Variants in NWD2 observed in about 807,000 individuals in gnomAD.
The protein encoded by NWD2 is NACHT and WD repeat domain containing 2.
A neutral mutation model predicts 132.7 loss-of-function variants in NWD2; 37 were observed. That is an observed-to-expected ratio of 0.28 (90% CI 0.21 to 0.37). The LOEUF (loss-of-function observed/expected upper bound fraction) is 0.37. Among genes scored for constraint, NWD2 ranks in the 10% least tolerant of loss-of-function variants. The pLI is 1.00. For missense variants in NWD2, 1,592 were observed against 2,122.4 expected (o/e 0.75, Z 4.91); for synonymous variants, 705 against 803.0 (o/e 0.88, Z 2.06).
intron 2 of NWD2, among the ~76,000 whole-genome samples, chr4:37,338,573 A>C (rs1719458094): frequency 6.6e-6 from 1 of 152,226 alleles, no homozygotes; most frequent in South Asian, 2.1e-4. Flanking sequence ...ACGAATCGCC[A>C]ACTAGTTTTA....
chr4:37,427,826 A>C (rs1193079371), intron 3 of NWD2, among the ~76,000 whole-genome samples: 4 of 149,208 alleles, frequency 2.7e-5, no homozygotes, highest in Non-Finnish European at 6.0e-5. Flanking sequence ...GAGAGAGAGG[A>C]CATGGTCCAA....
intron 2 of NWD2, among the ~76,000 whole-genome samples, chr4:37,336,952 G>GAAAAAAAAAAAAAAAAAAAAAAAA (rs11371327): frequency 1.7e-5 from 2 of 119,002 alleles, no homozygotes; most frequent in Non-Finnish European, 3.4e-5. Context: ...CTCAAAAAAA[G>GAAAAAAAAAAAAAAAAAAAAAAAA]AAAAAAAAAA....
intron 3 of NWD2, among the ~76,000 whole-genome samples, chr4:37,391,362 G>A (rs1315463486): frequency 6.6e-6 from 1 of 152,212 alleles, no homozygotes; most frequent in East Asian, 1.9e-4. Flanking sequence ...AGACGTGCCT[G>A]CAGGCAGCTA....
intron 3 of NWD2, among the ~76,000 whole-genome samples, chr4:37,380,837 A>T (rs1439620605): frequency 6.6e-6 from 1 of 152,174 alleles, no homozygotes; most frequent in Admixed American, 6.5e-5. Context: ...TTCTGTATTG[A>T]TTCTGACAAA....
chr4:37,248,376 A>G (rs1245935369), intron 1 of NWD2, among the ~76,000 whole-genome samples: 1 of 152,190 alleles, frequency 6.6e-6, no homozygotes, highest in Non-Finnish European at 1.5e-5. Context: ...ATTCTTGTCC[A>G]GAAGTGTATC....
chr4:37,269,329 AT>A (rs1717821741), intron 1 of NWD2, among the ~76,000 whole-genome samples: 1 of 151,936 alleles, frequency 6.6e-6, no homozygotes, highest in Admixed American at 6.6e-5. Context: ...TGCAAAACTG[AT>A]GTCTAAAATA....
At chr4:37,422,104 G>A (rs1711834183) in intron 3 of NWD2, among the ~76,000 whole-genome samples, 1 of 152,114 alleles carries the variant, frequency 6.6e-6, no homozygotes, top group Admixed American at 6.5e-5. Flanking sequence ...GGTAGTTAGG[G>A]CTTCAACATA....
chr4:37,245,738 C>A (rs13109111), intron 1 of NWD2, among the ~76,000 whole-genome samples: 4,127 of 152,166 alleles, frequency 0.027, 79 homozygotes, highest in Non-Finnish European at 0.042. Context: ...GCCAAGCAGA[C>A]TTTTGTGAAC....
intron 1 of NWD2, among the ~76,000 whole-genome samples, chr4:37,297,224 A>G (rs1718513842): frequency 6.6e-6 from 1 of 152,168 alleles, no homozygotes; most frequent in Non-Finnish European, 1.5e-5. Context: ...GAGATGGCAT[A>G]ATATTTGAAT....
intron 1 of NWD2, among the ~76,000 whole-genome samples, chr4:37,317,366 T>C (rs1386719695): frequency 1.3e-5 from 2 of 152,220 alleles, no homozygotes; most frequent in Non-Finnish European, 2.9e-5. Flanking sequence ...CTTGATCTCC[T>C]TGTTACATTT....
At chr4:37,349,000 G>A (rs13127732) in intron 2 of NWD2, among the ~76,000 whole-genome samples, 2 of 151,802 alleles carry the variant, frequency 1.3e-5, no homozygotes, top group African/African-American at 4.8e-5. Context: ...TGTCCCTGCA[G>A]AGGACATGAA....
chr4:37,282,920 G>A (rs1263741699), intron 1 of NWD2, among the ~76,000 whole-genome samples: 1 of 152,152 alleles, frequency 6.6e-6, no homozygotes, highest in Non-Finnish European at 1.5e-5. Flanking sequence ...GACCTTGCAT[G>A]ATTACTATGT....
chr4:37,332,618 A>G (rs1281682302), intron 2 of NWD2, among the ~76,000 whole-genome samples: 1 of 152,196 alleles, frequency 6.6e-6, no homozygotes, highest in African/African-American at 2.4e-5. Flanking sequence ...GCCTTGGGTG[A>G]CATTCAGAGA....
intron 3 of NWD2, among the ~76,000 whole-genome samples, chr4:37,416,741 T>G (rs1711624518): frequency 6.6e-6 from 1 of 152,178 alleles, no homozygotes; most frequent in African/African-American, 2.4e-5. Flanking sequence ...AAATGTGAGA[T>G]GTACATATAA....
At chr4:37,247,702 C>T (rs936759877) in intron 1 of NWD2, among the ~76,000 whole-genome samples, 5 of 151,098 alleles carry the variant, frequency 3.3e-5, no homozygotes, top group African/African-American at 7.3e-5. Flanking sequence ...CTCCACCTCC[C>T]GGCTCCAAGC....
intron 3 of NWD2, among the ~76,000 whole-genome samples, chr4:37,396,154 T>A (rs1242273723): frequency 6.6e-6 from 1 of 152,234 alleles, no homozygotes; most frequent in African/African-American, 2.4e-5. Flanking sequence ...GCACAAATAC[T>A]GGGAGCTCTT....
At chr4:37,288,711 G>A (rs1656183) in intron 1 of NWD2, among the ~76,000 whole-genome samples, 8,144 of 152,290 alleles carry the variant, frequency 0.053, 506 homozygotes, top group African/African-American at 0.15. Flanking sequence ...CAGTGGCAGA[G>A]TTTGTAGAAA....
chr4:37,370,266 A>C (rs1003303127), intron 3 of NWD2, among the ~76,000 whole-genome samples: 1 of 151,196 alleles, frequency 6.6e-6, no homozygotes, highest in African/African-American at 2.5e-5. Flanking sequence ...CAGCATTTAC[A>C]CTTGCCTATT....
intron 3 of NWD2, among the ~76,000 whole-genome samples, chr4:37,394,815 T>G (rs1368528680): frequency 3.9e-5 from 5 of 126,656 alleles, no homozygotes; most frequent in African/African-American, 1.5e-4. Flanking sequence ...TTTTTTTTTT[T>G]TTTTTTTTTT....
Sources: gnomAD v4.1 joint callset for allele counts (sites outside exome capture counted in the v4.1 genomes callset) on GRCh38, gnomAD v4.1.1 for gene constraint, MANE v1.5 for transcripts, NCBI Gene and HGNC (gene_info 2026-07-23, HGNC 2026-07-21) for gene names.